The following TMEM184A variants were observed in gnomAD, a reference collection of about 807,000 sequenced individuals.
The protein encoded by TMEM184A is sexually dimorphic, expressed in male gonads 1.
TMEM184A carries 40 observed loss-of-function variants against 39.5 expected under a neutral mutation model. The observed-to-expected ratio is 1.01, with a 90% CI of 0.79 to 1.32. The LOEUF (loss-of-function observed/expected upper bound fraction) is 1.32, where lower values mean the gene tolerates loss of function less well. Among genes scored for constraint, TMEM184A ranks in the 40% most tolerant of loss-of-function variants. The probability of loss-of-function intolerance (pLI) is 0.00; values close to 1 mark genes in which losing one functional copy is unlikely to be tolerated. For missense variants in TMEM184A, 603 were observed against 568.8 expected, an observed-to-expected ratio of 1.06 and a Z score of -0.61; for synonymous variants, 280 against 252.3, an observed-to-expected ratio of 1.11 and a Z score of -1.04.
Position 1,546,754 on chromosome 7 carries a change from A to C in TMEM184A, c.*198T>G, listed in dbSNP as rs1784360516. 7.6e-6 allele frequency: 4 copies of C among 526,526 alleles called. No homozygotes were observed. The South Asian group carries it at 8.4e-5, about 11-fold the overall frequency. The allele number at this position is 526,526 out of a possible 1,614,324, so 32.6% of individuals were successfully genotyped here. A position where few individuals can be genotyped will look rare whatever the true frequency, so the allele number is the denominator to read the frequency against. ...TGCCCTCTCCTGCGGTGGCGGGCCC[A>C]CCTGGGTGCCTGCCAGGGCCATCAG... On this transcript the variant is annotated 3_prime_UTR_variant, in exon 9 of 9. Coordinates refer to ENST00000297477, the MANE Select transcript of TMEM184A (RefSeq NM_001097620.2).
rs557790740 is a variant in TMEM184A at position 1,554,278 on chromosome 7, G to A, written c.219+988C>T. On this transcript the variant is annotated intron_variant, in intron 2 of 8. Transcript: ENST00000297477. The stretch of plus-strand genomic sequence containing the variant: ...CACTGAGATGCTCCCTCGGAGACTT[G>A]TGGCCACCGGTGTCCCTGCCTGCCA... Among the ~76,000 whole-genome samples the A allele has an allele frequency of 2.0e-5, 3 of 152,258 alleles. No individual in the cohort carries two copies. In the East Asian group the frequency reaches 5.8e-4, roughly 29 times the overall value.
chr7:1,548,786 C>A (rs1193863639), intron 6 of TMEM184A, 98 bp from the exon 7 acceptor site: 9 of 1,426,450 alleles, frequency 6.3e-6, no homozygotes, highest in Non-Finnish European at 8.7e-6. Context: ...TGGTCCCCAC[C>A]CTGAGCTTGG....
At chr7:1,554,428 C>G (rs1778466602) in intron 2 of TMEM184A, among the ~76,000 whole-genome samples, 1 of 152,204 alleles carries the variant, frequency 6.6e-6, no homozygotes, top group Admixed American at 6.5e-5. Context: ...CTCCCAGCAC[C>G]CCCTGAAAGC....
chr7:1,542,834 T>A lies in TMEM184A; in HGVS notation c.*4118A>T, dbSNP rs1784230289. On this transcript the variant is annotated 3_prime_UTR_variant, in exon 9 of 9. Transcript: ENST00000297477. ...GCCGCCACACCGCCTCACCCTGGCT[T>A]CTGTGCTACTTGGCAGTTCCATTTC... 6.6e-6 allele frequency: 1 copy of A among 152,658 alleles called. No individual in the cohort carries two copies. The highest frequency in any genetic ancestry group is 6.5e-5 in the Admixed American group (1 of 15,286). The allele number at this position is 152,658 out of a possible 1,614,324, so 9.5% of individuals were successfully genotyped here.
At position 1,555,853 on chromosome 7, in the gene TMEM184A, G is replaced by A. The variant is rs185577010; in HGVS notation, c.-1+261C>T. 2.3e-4 allele frequency: 75 copies of A among 324,510 alleles called. No individual in the cohort carries two copies. The highest frequency in any genetic ancestry group is 1.6e-3 in the African/African-American group (72 of 44,862). The allele number at this position is 324,510 out of a possible 1,614,324, so 20.1% of individuals were successfully genotyped here. ...CCGCCCTGCCTGCCCGGGAGGGCTGGGGAGCGGGCGCAGACCAGCACTGCC... is the reference window on the plus strand; with the variant it reads ...CCGCCCTGCCTGCCCGGGAGGGCTGAGGAGCGGGCGCAGACCAGCACTGCC... On this transcript the variant is annotated intron_variant, in intron 1 of 8. Coordinates refer to ENST00000297477, the MANE Select transcript of TMEM184A (RefSeq NM_001097620.2). The surrounding 1 kb of genome is among the most constrained non-coding windows in gnomAD (Gnocchi z 5.2).
rs371189545 is a variant in TMEM184A, at chr7:1,548,890, T to C, written c.645-202A>G. The stretch of plus-strand genomic sequence containing the variant: ...GAGCTGGGGGTGGCTGGGGGGCCTA[T>C]GCAGGGGTAGGGCAGGGACGTGGCC... On this transcript the variant is annotated intron_variant, in intron 6 of 8. Transcript: ENST00000297477. 1.1e-5 allele frequency: 8 copies of C among 718,744 alleles called. No individual in the cohort carries two copies. The African/African-American group carries it at 1.2e-4, about 11-fold the overall frequency. 44.5% of individuals were successfully genotyped at this position (718,744 alleles called of 1,614,324 possible).
chr7:1,548,382 G>A (rs929954417), intron 7 of TMEM184A, 137 bp downstream of exon 7: 4 of 1,063,872 alleles, frequency 3.8e-6, no homozygotes, highest in Middle Eastern at 5.2e-4. Context: ...GTTCTACCCT[G>A]GCTTCCAGCT....
rs1401737116 is a variant in TMEM184A at position 1,546,748 on chromosome 7, G to A, written c.*204C>T. 6 of 522,512 alleles carry A rather than the reference G, an allele frequency of 1.1e-5. No homozygotes were observed. The highest frequency in any genetic ancestry group is 2.9e-5 in the South Asian group (1 of 34,860). The allele number at this position is 522,512 out of a possible 1,614,324, so 32.4% of individuals were successfully genotyped here. On this transcript the variant is annotated 3_prime_UTR_variant, in exon 9 of 9. Coordinates refer to ENST00000297477, the MANE Select transcript of TMEM184A (RefSeq NM_001097620.2). Reference sequence around the variant, plus strand: ...CTCAGGTGCCCTCTCCTGCGGTGGCGGGCCCACCTGGGTGCCTGCCAGGGC... The same window carrying A: ...CTCAGGTGCCCTCTCCTGCGGTGGCAGGCCCACCTGGGTGCCTGCCAGGGC...
intron 5 of TMEM184A, 66 bp downstream of exon 5, chr7:1,550,057 G>T: frequency 6.3e-7 from 1 of 1,581,082 alleles, no homozygotes. Flanking sequence ...GGGTGGCGCT[G>T]GGCCGGCTAG....
chr7:1,550,056 T>C, intron 5 of TMEM184A, 67 bp downstream of exon 5: 4 of 1,269,186 alleles, frequency 3.2e-6, no homozygotes, highest in Non-Finnish European at 4.1e-6. Context: ...GGGGTGGCGC[T>C]GGGCCGGCTA....
At chr7:1,547,612 G>A (rs1181259821) in intron 8 of TMEM184A, 130 bp downstream of exon 8, 16 of 973,164 alleles carry the variant, frequency 1.6e-5, no homozygotes, top group South Asian at 3.1e-5. Flanking sequence ...GTCCGGAGCC[G>A]GATGCCCTTT....
At chr7:1,553,579 C>A (rs959910510) in intron 2 of TMEM184A, among the ~76,000 whole-genome samples, 5 of 152,198 alleles carry the variant, frequency 3.3e-5, no homozygotes, top group South Asian at 2.1e-4. Context: ...GCATGCGTGG[C>A]GGTGGGCGAG....
Position 1,550,890 on chromosome 7 carries a change from G to A in TMEM184A, c.312C>T (p.Ser104=), listed in dbSNP as rs760262824. 9 of 1,613,752 alleles carry A rather than the reference G, an allele frequency of 5.6e-6. No individual in the cohort carries two copies. The South Asian group carries it at 9.9e-5, about 18-fold the overall frequency. The change falls in exon 3 of 9, where the codon TCC becomes TCT. Residue 104 remains serine (S), a synonymous_variant. Coordinates refer to ENST00000297477, the MANE Select transcript of TMEM184A (RefSeq NM_001097620.2). ...CTCCGAGGAGGAGGAGGCTGAGCCA[G>A]GAGTCGAAGGCGTAGATGGGCACGA... ...LLIVPIYAFD[S]WLSLLLLGDH...
rs370487069 is a variant in TMEM184A, at chr7:1,549,868, G to A, written c.630C>T (p.His210=). 22 of 1,608,470 alleles carry A rather than the reference G, an allele frequency of 1.4e-5. No homozygotes were observed. Among genetic ancestry groups the A allele is most frequent in the East Asian group, 6.7e-5 (3 of 44,792 alleles). The change falls in exon 6 of 9, where the codon CAC becomes CAT. Residue 210 remains histidine, a synonymous_variant. Coordinates refer to ENST00000297477, the MANE Select transcript of TMEM184A (RefSeq NM_001097620.2). Reference sequence around the variant, plus strand: ...TCCCGCCTTACTTGAAGTCCCCGTCGTGGTATTTGCCAAATGCCTGGAGGA... The same window carrying A: ...TCCCGCCTTACTTGAAGTCCCCGTCATGGTATTTGCCAAATGCCTGGAGGA... The part of the protein sequence containing the change: ...TIILQAFGKY[H]DGDFNVRSGY...
rs765923895 is a variant in TMEM184A, at chr7:1,549,956, C to A, written c.553-11G>T. 6.2e-7 allele frequency: 1 copy of A among 1,612,028 alleles called. No homozygotes were observed. The highest frequency in any genetic ancestry group is 1.1e-5 in the South Asian group (1 of 90,968). On this transcript the variant is annotated splice_polypyrimidine_tract_variant and intron_variant, in intron 5 of 8. Coordinates refer to ENST00000297477, the MANE Select transcript of TMEM184A (RefSeq NM_001097620.2). Reference sequence around the variant, plus strand: ...GAACTGCAGAGTGGCCTGGGGGCGACGGCACCCGGTGGGCCTGGGGCCAGG... The same window carrying A: ...GAACTGCAGAGTGGCCTGGGGGCGAAGGCACCCGGTGGGCCTGGGGCCAGG...
chr7:1,544,187 C>T lies in TMEM184A; in HGVS notation c.*2765G>A, dbSNP rs1023955018. 6.6e-6 allele frequency: 1 copy of T among 152,070 alleles called. No homozygotes were observed. The highest frequency in any genetic ancestry group is 1.5e-5 in the Non-Finnish European group (1 of 68,012). 9.4% of individuals were successfully genotyped at this position (152,070 alleles called of 1,614,324 possible). ...CCCAGCCTGCTCCTCCTGGGGGAGC[C>T]GACGGGTGTGAGTTGGGGGCACAGA... On this transcript the variant is annotated 3_prime_UTR_variant, in exon 9 of 9. Coordinates refer to ENST00000297477, the MANE Select transcript of TMEM184A (RefSeq NM_001097620.2).
intron 7 of TMEM184A, 39 bp from the exon 8 acceptor site, chr7:1,547,978 G>A (rs1784415612): frequency 1.3e-6 from 2 of 1,538,274 alleles, no homozygotes; most frequent in African/African-American, 2.7e-5. Flanking sequence ...GCCCCAGACG[G>A]GGTCTGCAGG....
In TMEM184A at chr7:1,550,409, A is replaced by G. The variant is rs1562559421; in HGVS notation, c.386-14T>C. 6.2e-7 allele frequency: 1 copy of G among 1,605,748 alleles called. No individual in the cohort carries two copies. Among genetic ancestry groups the G allele is most frequent in the Admixed American group, 1.7e-5 (1 of 59,220 alleles). On this transcript the variant is annotated splice_polypyrimidine_tract_variant and intron_variant, in intron 3 of 8. Coordinates refer to ENST00000297477, the MANE Select transcript of TMEM184A (RefSeq NM_001097620.2). ...AAATGACAAAGGCTGCAGGGAGCAC[A>G]GAGGGGGACCGGCTGTGAGCCCTGA...
Position 1,550,909 on chromosome 7 carries a change from G to T in TMEM184A, c.293C>A (p.Pro98His). 6.2e-7 allele frequency: 1 copy of T among 1,613,878 alleles called. No homozygotes were observed. The highest frequency in any genetic ancestry group is 8.5e-7 in the Non-Finnish European group (1 of 1,179,966). Reference protein sequence around the residue: ...RYIIRLLLIVPIYAFDSWLSL... With the variant: ...RYIIRLLLIVHIYAFDSWLSL... ...GAGCCAGGAGTCGAAGGCGTAGATG[G>T]GCACGATGAGGAGCAGGCGGATGAT... The change falls in exon 3 of 9, where the codon CCC becomes CAC. Residue 98 changes from proline (P) to histidine (H), a missense_variant. Pro to His is a moderately conservative substitution (Grantham distance 77). Transcript: ENST00000297477.
Sources: gnomAD v4.1 joint callset for allele counts (sites outside exome capture counted in the v4.1 genomes callset) on GRCh38, gnomAD v4.1.1 for gene constraint, Gnocchi (gnomAD v3.1) non-coding constraint, MANE v1.5 for transcripts, NCBI Gene and HGNC (gene_info 2026-07-23, HGNC 2026-07-21) for gene names.